ZNF442: variants seen among roughly 807,000 people sequenced by gnomAD.
The protein encoded by ZNF442 is zinc finger protein 442.
A neutral mutation model predicts 57.0 loss-of-function variants in ZNF442; 45 were observed. That is an observed-to-expected ratio of 0.79 (90% CI 0.62 to 1.01). ZNF442 has a LOEUF of 1.01. Ranked by LOEUF, ZNF442 falls within the 50% of genes least tolerant of loss-of-function variation. The pLI is 0.00. For missense variants in ZNF442, 690 were observed against 756.5 expected, an observed-to-expected ratio of 0.91 and a Z score of 1.03; for synonymous variants, 213 against 241.8, an observed-to-expected ratio of 0.88 and a Z score of 1.10.
At chr19:12,360,595 T>A (rs1451729322) in intron 3 of ZNF442, among the ~76,000 whole-genome samples, 3 of 152,232 alleles carry the variant, frequency 2.0e-5, no homozygotes, top group Non-Finnish European at 2.9e-5. Flanking sequence ...TATTTATTTA[T>A]AGATGAAGTC....
chr19:12,361,679 CCT>C (rs1404334850), intron 3 of ZNF442, among the ~76,000 whole-genome samples: 7 of 149,400 alleles, frequency 4.7e-5, no homozygotes, highest in Admixed American at 4.7e-4. Flanking sequence ...TCCCCCTCCC[CCT>C]CTGCCTCCCC....
At chr19:12,355,290 C>CAAAAAAAAAA (rs1243882800) in intron 3 of ZNF442, among the ~76,000 whole-genome samples, 1 of 55,686 alleles carries the variant, frequency 1.8e-5, no homozygotes, top group African/African-American at 6.6e-5. Context: ...GACTCCATCT[C>CAAAAAAAAAA]AAAAAAAAAA....
rs779794694 is a variant in ZNF442, at chr19:12,351,063, AG to A, written c.521del (p.Pro174LeufsTer27). The A allele has an allele frequency of 5.0e-6, 8 of 1,614,168 alleles. No homozygotes were observed. In the South Asian group the frequency reaches 8.8e-5, roughly 18 times the overall value. On this transcript the variant is annotated frameshift_variant, in exon 6 of 6. Coordinates refer to ENST00000242804, the MANE Select transcript of ZNF442 (RefSeq NM_030824.3). LOFTEE classifies it high-confidence loss of function. ...YHHSFQTQER[P>X]HTGKKRYDCK... ...AATCATAGCGTTTCTTTCCAGTGTG[AG>A]GTCTTTCCTGTGTTTGAAAGGAGTG...
rs915425689 is a variant in ZNF442 at position 12,351,161 on chromosome 19, G to A, written c.424C>T (p.Pro142Ser). ...CYITFDAGHK[P>S]DECQEYGEKP... ...TCTCCATATTCCTGACACTCATCTG[G>A]TTTGTGTCCAGCATCAAATGTGATA... The change falls in exon 6 of 6, where the codon CCA (proline) becomes TCA (serine). Residue 142 changes from proline (P) to serine (S), a missense_variant. Pro to Ser is a moderately conservative substitution (Grantham distance 74). Coordinates refer to ENST00000242804, the MANE Select transcript of ZNF442 (RefSeq NM_030824.3). The A allele has an allele frequency of 3.1e-6, 5 of 1,614,060 alleles. No individual in the cohort carries two copies. The highest frequency in any genetic ancestry group is 2.2e-5 in the East Asian group (1 of 44,878).
intron 3 of ZNF442, among the ~76,000 whole-genome samples, chr19:12,355,518 G>A (rs755829275): frequency 5.3e-5 from 8 of 149,782 alleles, no homozygotes; most frequent in South Asian, 2.1e-4. Flanking sequence ...CACACCACAC[G>A]CCCGGCTAAT....
At chr19:12,367,672 T>C (rs1969549313), upstream of ZNF442, among the ~76,000 whole-genome samples, 1 of 150,346 alleles carries the variant, frequency 6.7e-6, no homozygotes. Context: ...ATTATTATTA[T>C]ATATATTTTT....
In ZNF442 at chr19:12,353,175, C is replaced by T; in HGVS notation, c.79-61G>A. 2.6e-6 allele frequency: 4 copies of T among 1,519,606 alleles called. No homozygotes were observed. In the South Asian group the frequency reaches 3.9e-5, roughly 15 times the overall value. The allele number at this position is 1,519,606 out of a possible 1,614,324, so 94.1% of individuals were successfully genotyped here. ...AGACTGATAGTACCAAAAATTTACA[C>T]CCACTTCATAAACTTTGCATACTAT... On this transcript the variant is annotated intron_variant, in intron 3 of 5. Transcript: ENST00000242804.
At chr19:12,366,658 T>G (rs1659618975), upstream of ZNF442, among the ~76,000 whole-genome samples, 1 of 152,154 alleles carries the variant, frequency 6.6e-6, no homozygotes, top group South Asian at 2.1e-4. Flanking sequence ...GGAGACGGAG[T>G]CTCACTCTGT....
At position 12,352,067 on chromosome 19, in the gene ZNF442, A is replaced by T; in HGVS notation, c.209T>A (p.Met70Lys). ...ETIRNLDCIGMKWEDTNIEDQ... is the reference protein window; with the variant it reads ...ETIRNLDCIGKKWEDTNIEDQ... ...TTCAATGTTTGTGTCTTCCCATTTC[A>T]TTCCTAAAAGGTGGACACAGAAAAA... Residue 70 changes from methionine (M) to lysine (K), a missense_variant, in exon 5 of 6, where the codon ATG becomes AAG. Coordinates refer to ENST00000242804, the MANE Select transcript of ZNF442 (RefSeq NM_030824.3). 6.2e-7 allele frequency: 1 copy of T among 1,613,454 alleles called. No homozygotes were observed. The highest frequency in any genetic ancestry group is 8.5e-7 in the Non-Finnish European group (1 of 1,179,758).
At chr19:12,356,028 A>G (rs1366353684) in intron 3 of ZNF442, among the ~76,000 whole-genome samples, 3 of 151,770 alleles carry the variant, frequency 2.0e-5, no homozygotes, top group African/African-American at 7.3e-5. Flanking sequence ...CAAAGAAAAG[A>G]AAGTAGATTT....
rs1436056247 is a variant in ZNF442, at chr19:12,350,961, A to G, written c.624T>C (p.Pro208=). Reference sequence around the variant, plus strand: ...CTTTCCCACACAACTTACATATATAAGGTCCACCTCCACGTTGTACTATTA... The same window carrying G: ...CTTTCCCACACAACTTACATATATAGGGTCCACCTCCACGTTGTACTATTA... ...RHIIVQRGGG[P]YICKLCGKAF... is the part of the protein sequence containing the mutation. The change falls in exon 6 of 6, where the codon CCT becomes CCC. Residue 208 remains proline (P), a synonymous_variant. Transcript: ENST00000242804. 6.2e-7 allele frequency: 1 copy of G among 1,614,104 alleles called. No individual in the cohort carries two copies. Among genetic ancestry groups the G allele is most frequent in the Non-Finnish European group, 8.5e-7 (1 of 1,180,054 alleles).
At chr19:12,367,913 C>A (rs1196908411), upstream of ZNF442, among the ~76,000 whole-genome samples, 1 of 152,116 alleles carries the variant, frequency 6.6e-6, no homozygotes, top group African/African-American at 2.4e-5. Flanking sequence ...TGTGATCCAC[C>A]CGCCTCGGCC....
chr19:12,366,865 G>C (rs1037386291), upstream of ZNF442, among the ~76,000 whole-genome samples: 1 of 152,174 alleles, frequency 6.6e-6, no homozygotes, highest in Non-Finnish European at 1.5e-5. Context: ...GAACTCCTGA[G>C]CTCAGGCAAT....
upstream of ZNF442, among the ~76,000 whole-genome samples, chr19:12,366,159 C>A (rs1013664411): frequency 6.6e-6 from 1 of 152,188 alleles, no homozygotes; most frequent in African/African-American, 2.4e-5. Flanking sequence ...CCTTATCTCC[C>A]AATCTACTCA....
Position 12,349,940 on chromosome 19 carries a change from A to T in ZNF442, c.1645T>A (p.Cys549Ser). The T allele has an allele frequency of 6.2e-7, 1 of 1,614,202 alleles. No homozygotes were observed. The highest frequency in any genetic ancestry group is 8.5e-7 in the Non-Finnish European group (1 of 1,180,008). Residue 549 changes from cysteine to serine, a missense_variant, in exon 6 of 6, where the codon TGC (cysteine) becomes AGC (serine). By Grantham distance (112) the Cys-to-Ser change is moderately radical. Transcript: ENST00000242804. ...TGEKPYECKE[C>S]RKAFSWLTCL... ...GTGAGCCAAGAGAATGCTTTCCTGC[A>T]TTCCTTACATTCATATGGCTTCTCT...
intron 2 of ZNF442, among the ~76,000 whole-genome samples, chr19:12,364,025 GTTTT>G (rs1281461484): frequency 6.6e-6 from 1 of 152,032 alleles, no homozygotes; most frequent in Non-Finnish European, 1.5e-5. Context: ...AGACACAAAG[GTTTT>G]TTTGTTTGTT....
chr19:12,355,951 G>A (rs1969321333), intron 3 of ZNF442, among the ~76,000 whole-genome samples: 3 of 152,020 alleles, frequency 2.0e-5, no homozygotes, highest in Admixed American at 2.0e-4. Flanking sequence ...CAGAGAGCCT[G>A]GATGACATCA....
intron 3 of ZNF442, among the ~76,000 whole-genome samples, chr19:12,360,737 C>CGTG (rs1339128452): frequency 6.6e-6 from 1 of 151,882 alleles, no homozygotes; most frequent in African/African-American, 2.4e-5. Context: ...CCACCACGCC[C>CGTG]GTGGTGGTGG....
rs1167140071 is a variant in ZNF442 at position 12,349,920 on chromosome 19, C to G, written c.1665G>C (p.Trp555Cys). The change falls in exon 6 of 6, where the codon TGG becomes TGC. Residue 555 changes from tryptophan (W) to cysteine (C), a missense_variant. Physicochemically the swap from Trp to Cys is radical, Grantham distance 215 (BLOSUM62 -2). Coordinates refer to ENST00000242804, the MANE Select transcript of ZNF442 (RefSeq NM_030824.3). Reference sequence around the variant, plus strand: ...TTTCATGTCGCAGAAGGCAAGTGAGCCAAGAGAATGCTTTCCTGCATTCCT... The same window carrying G: ...TTTCATGTCGCAGAAGGCAAGTGAGGCAAGAGAATGCTTTCCTGCATTCCT... Reference protein sequence around the residue: ...ECKECRKAFSWLTCLLRHERI... With the variant: ...ECKECRKAFSCLTCLLRHERI... The G allele has an allele frequency of 6.2e-7, 1 of 1,613,960 alleles. No homozygotes were observed. The highest frequency in any genetic ancestry group is 1.1e-5 in the South Asian group (1 of 91,060).
Sources: allele counts gnomAD v4.1 joint callset (sites outside exome capture counted in the v4.1 genomes callset), GRCh38; gene constraint gnomAD v4.1.1; transcripts MANE v1.5; gene names NCBI Gene and HGNC (gene_info 2026-07-23, HGNC 2026-07-21).